The following TANC1 variants were observed in gnomAD, a reference collection of about 807,000 sequenced individuals.
TANC1 encodes tetratricopeptide repeat, ankyrin repeat and coiled-coil containing 1.
A neutral mutation model predicts 149.7 loss-of-function variants in TANC1; 77 were observed. The ratio of observed to expected loss-of-function variants is 0.51; its 90% confidence interval spans 0.43 to 0.62. TANC1 has a LOEUF of 0.62. Ranked by LOEUF, TANC1 falls within the 20% of genes least tolerant of loss-of-function variation. The pLI, the probability that TANC1 is intolerant of heterozygous loss-of-function variation, is 0.00. For synonymous variants in TANC1, 854 were observed against 925.0 expected (o/e 0.92, Z 1.39); for missense variants, 1,985 against 2,321.8 (o/e 0.85, Z 2.98).
intron 19 of TANC1, among the ~76,000 whole-genome samples, chr2:159,208,701 C>T (rs1015762490): frequency 2.0e-5 from 3 of 152,226 alleles, no homozygotes; most frequent in Non-Finnish European, 4.4e-5. Flanking sequence ...CCATCATGGC[C>T]ATTGGGAGAT....
At chr2:159,051,532 C>T (rs1032950342) in intron 2 of TANC1, among the ~76,000 whole-genome samples, 1 of 152,196 alleles carries the variant, frequency 6.6e-6, no homozygotes, top group Non-Finnish European at 1.5e-5. Flanking sequence ...GCGTAACATA[C>T]CTTCAAGTAT....
chr2:159,147,607 G>A (rs1322877529), intron 5 of TANC1: 1 of 152,440 alleles, frequency 6.6e-6, no homozygotes, highest in Non-Finnish European at 1.5e-5. Context: ...GACCCGCCCT[G>A]GGGTGGCTCC....
intron 4 of TANC1, 139 bp downstream of exon 4, chr2:159,097,973 T>G: frequency 1.4e-6 from 1 of 696,136 alleles, no homozygotes; most frequent in South Asian, 2.5e-5. Context: ...AATAAATCTT[T>G]TTTTTTTTTT....
intron 7 of TANC1, among the ~76,000 whole-genome samples, chr2:159,152,206 C>G (rs2052893260): frequency 6.6e-6 from 1 of 152,216 alleles, no homozygotes; most frequent in Admixed American, 6.5e-5. Context: ...GCTGTTTAGT[C>G]TAGTTCAGCT....
intron 2 of TANC1, among the ~76,000 whole-genome samples, chr2:159,057,890 A>G (rs1024272428): frequency 2.6e-5 from 4 of 152,186 alleles, no homozygotes; most frequent in Non-Finnish European, 5.9e-5. Context: ...CTAAACATCT[A>G]TGTAAATACC....
intron 7 of TANC1, among the ~76,000 whole-genome samples, chr2:159,151,764 C>CG (rs1559353637): frequency 6.6e-6 from 1 of 152,144 alleles, no homozygotes; most frequent in Non-Finnish European, 1.5e-5. Flanking sequence ...TTAAGGAAGG[C>CG]GGCTTCTTGC....
rs139319523 is a variant in TANC1 at position 159,021,559 on chromosome 2, T to C, written c.-16+20370T>C. ...TTGAGGTGGTAGTGAGTTAGGATCA[T>C]GTCTGTGAATAGCCATTGCACTCCA... On this transcript the variant is annotated intron_variant, in intron 2 of 26. Transcript: ENST00000263635. 1.3e-3 allele frequency among the ~76,000 whole-genome samples: 192 copies of C among 152,114 alleles called. 1 individual carries two copies. In the East Asian group the frequency reaches 0.034, roughly 27 times the overall value.
intron 1 of TANC1, among the ~76,000 whole-genome samples, chr2:158,994,024 C>G (rs2035921621): frequency 6.6e-6 from 1 of 152,230 alleles, no homozygotes; most frequent in African/African-American, 2.4e-5. Flanking sequence ...GGACCATGCA[C>G]TAGTGCCCTA....
In TANC1 at chr2:158,969,268, C is replaced by T. The variant is rs575394657; in HGVS notation, c.-126+486C>T. 9.3e-3 allele frequency among the ~76,000 whole-genome samples: 1,416 copies of T among 152,242 alleles called. 14 individuals carry two copies. The highest frequency in any genetic ancestry group is 0.025 in the South Asian group (122 of 4,820). ...GCCTGGCACCGCGGGGTCCTGGGCG[C>T]CCCCCGGAGTGTTGGGGTGCGCGGG... On this transcript the variant is annotated intron_variant, in intron 1 of 26. Coordinates refer to ENST00000263635, the MANE Select transcript of TANC1 (RefSeq NM_033394.3).
chr2:159,217,642 G>GC lies in TANC1; in HGVS notation c.3378+16dup, dbSNP rs1421813803. 5.6e-6 allele frequency: 9 copies of GC among 1,613,560 alleles called. No homozygotes were observed. The Admixed American group carries it at 1.3e-4, about 24-fold the overall frequency. The stretch of plus-strand genomic sequence containing the variant: ...AGGGGCATTGGCAGGTACCCAGGGG[G>GC]CCCCTGAATGCTTCAGAAGCAATGA... On this transcript the variant is annotated intron_variant, in intron 20 of 26. Coordinates refer to ENST00000263635, the MANE Select transcript of TANC1 (RefSeq NM_033394.3).
At chr2:159,176,947 T>A (rs1228844232) in intron 13 of TANC1, among the ~76,000 whole-genome samples, 1 of 137,448 alleles carries the variant, frequency 7.3e-6, no homozygotes, top group African/African-American at 2.7e-5. Context: ...TCTCGCTCTG[T>A]CACCCAGGAT....
intron 3 of TANC1, among the ~76,000 whole-genome samples, chr2:159,068,471 A>G (rs375848618): frequency 1.3e-5 from 2 of 152,340 alleles, no homozygotes; most frequent in East Asian, 3.9e-4. Context: ...TGTCCTTTAT[A>G]GGTTGTTTTT....
intron 8 of TANC1, among the ~76,000 whole-genome samples, chr2:159,166,718 A>C (rs748762920): frequency 5.9e-5 from 9 of 152,210 alleles, no homozygotes; most frequent in Middle Eastern, 3.4e-3. Flanking sequence ...ACCTGCTCAG[A>C]GGGTGGGGAG....
At chr2:158,989,649 C>T (rs554837606) in intron 1 of TANC1, among the ~76,000 whole-genome samples, 1 of 151,452 alleles carries the variant, frequency 6.6e-6, no homozygotes, top group South Asian at 2.1e-4. Context: ...TGTTTTCGGC[C>T]AGTTTGGTTC....
intron 3 of TANC1, among the ~76,000 whole-genome samples, chr2:159,087,517 T>C (rs2045046969): frequency 6.6e-6 from 1 of 150,482 alleles, no homozygotes; most frequent in Admixed American, 6.6e-5. Flanking sequence ...TTGTTTTTGT[T>C]TTTTTTTTGA....
chr2:159,085,213 C>A (rs1041364432), intron 3 of TANC1, among the ~76,000 whole-genome samples: 2 of 152,012 alleles, frequency 1.3e-5, no homozygotes, highest in South Asian at 4.2e-4. Context: ...TCAGCTTTTC[C>A]CCTTTGCTTG....
intron 2 of TANC1, among the ~76,000 whole-genome samples, chr2:159,046,032 A>G (rs796823975): frequency 7.2e-5 from 11 of 152,338 alleles, no homozygotes; most frequent in African/African-American, 2.4e-4. Context: ...TCTCAAAGTA[A>G]CATTGAAATA....
intron 2 of TANC1, among the ~76,000 whole-genome samples, chr2:159,064,955 A>G (rs897550625): frequency 1.3e-5 from 2 of 151,992 alleles, no homozygotes; most frequent in African/African-American, 2.4e-5. Context: ...TGCCTGTTCA[A>G]TAGAGACCTG....
intron 4 of TANC1, among the ~76,000 whole-genome samples, chr2:159,113,848 CA>C (rs1412639680): frequency 6.6e-6 from 1 of 152,026 alleles, no homozygotes; most frequent in South Asian, 2.1e-4. Context: ...ATTTTTTGAA[CA>C]AAAAAATCTA....
Sources: gnomAD v4.1 joint callset for allele counts (sites outside exome capture counted in the v4.1 genomes callset) on GRCh38, gnomAD v4.1.1 for gene constraint, MANE v1.5 for transcripts, NCBI Gene and HGNC (gene_info 2026-07-23, HGNC 2026-07-21) for gene names.